CDH13: variants seen among roughly 807,000 people sequenced by gnomAD.
CDH13 encodes cadherin-13.
In CDH13, 24 loss-of-function variants were observed where a neutral mutation model predicts 63.8. The ratio of observed to expected loss-of-function variants is 0.38; its 90% CI spans 0.27 to 0.53. The LOEUF is 0.53. CDH13 is among the 20% of genes least tolerant of loss of function. The probability of loss-of-function intolerance (pLI) is 0.85; values close to 1 mark genes in which losing one functional copy is unlikely to be tolerated. For missense variants in CDH13, 1,049 were observed against 903.1 expected (o/e 1.16, Z -2.07); for synonymous variants, 503 against 355.3 (o/e 1.42, Z -4.67).
intron 1 of CDH13, among the ~76,000 whole-genome samples, chr16:82,767,896 C>T (rs1351578791): frequency 6.6e-6 from 1 of 152,164 alleles, no homozygotes; most frequent in Non-Finnish European, 1.5e-5. Context: ...GGCTAGACCA[C>T]AGGTACTCTT....
chr16:83,722,991 T>G (rs972032926), intron 10 of CDH13, among the ~76,000 whole-genome samples: 19 of 152,192 alleles, frequency 1.2e-4, no homozygotes, highest in Non-Finnish European at 2.6e-4. Flanking sequence ...GCTGTGACCT[T>G]CTAGTTTCAC....
chr16:83,684,348 T>A (rs1258402082), intron 10 of CDH13, among the ~76,000 whole-genome samples: 2 of 151,776 alleles, frequency 1.3e-5, no homozygotes, highest in African/African-American at 4.8e-5. Flanking sequence ...TGCACTCCAG[T>A]GTGAGCAATA....
At chr16:82,673,042 G>T (rs562242299) in intron 1 of CDH13, among the ~76,000 whole-genome samples, 1 of 124,902 alleles carries the variant, frequency 8.0e-6, no homozygotes, top group African/African-American at 3.3e-5. Context: ...GGGTCTTCCT[G>T]TGTTGCCCAG....
At chr16:82,965,397 G>C (rs1597314163) in intron 2 of CDH13, among the ~76,000 whole-genome samples, 1 of 152,240 alleles carries the variant, frequency 6.6e-6, no homozygotes, top group East Asian at 1.9e-4. Flanking sequence ...TTTCTATGGA[G>C]TATTTTTCTT....
intron 12 of CDH13, 103 bp downstream of exon 12, chr16:83,780,304 G>C (rs1463230046): frequency 2.7e-6 from 2 of 746,336 alleles, no homozygotes; most frequent in African/African-American, 3.5e-5. Context: ...ATTCTCATTT[G>C]GTTCATTTTA....
At chr16:82,745,045 T>C (rs772074036) in intron 1 of CDH13, among the ~76,000 whole-genome samples, 21 of 152,180 alleles carry the variant, frequency 1.4e-4, no homozygotes, top group Admixed American at 4.6e-4. Context: ...AAATGCAATC[T>C]AGTGACAAAT....
intron 1 of CDH13, among the ~76,000 whole-genome samples, chr16:82,680,038 T>C (rs1914374166): frequency 6.6e-6 from 1 of 152,128 alleles, no homozygotes; most frequent in African/African-American, 2.4e-5. Flanking sequence ...CCAGGATCTA[T>C]GGGGAATTTG....
Position 83,597,055 on chromosome 16 carries a change from T to C in CDH13, c.961-5399T>C, listed in dbSNP as rs192463283. On this transcript the variant is annotated intron_variant, in intron 7 of 13. Transcript: ENST00000567109. ...CTGGGCAATACAGGGAGACCCTGTC[T>C]CTACAAAAAATACAAAAATTAGCCA... Among the ~76,000 whole-genome samples the C allele has an allele frequency of 2.9e-3, 444 of 152,252 alleles. 4 individuals are homozygous for C. The highest frequency in any genetic ancestry group is 8.3e-3 in the African/African-American group (346 of 41,546).
At chr16:83,750,354 G>C (rs1912977322) in intron 11 of CDH13, among the ~76,000 whole-genome samples, 2 of 152,200 alleles carry the variant, frequency 1.3e-5, no homozygotes, top group South Asian at 4.1e-4. Context: ...AATCAAGCAA[G>C]GTTAAGGTGA....
intron 6 of CDH13, among the ~76,000 whole-genome samples, chr16:83,406,647 G>C (rs1306107607): frequency 6.6e-6 from 1 of 152,076 alleles, no homozygotes; most frequent in Non-Finnish European, 1.5e-5. Flanking sequence ...TGTATTTTTA[G>C]TAGAGATGGG....
chr16:83,454,151 G>T (rs1237029803), intron 6 of CDH13, among the ~76,000 whole-genome samples: 3 of 152,228 alleles, frequency 2.0e-5, no homozygotes, highest in Non-Finnish European at 4.4e-5. Context: ...CTGCAAGTAT[G>T]CAAAACAGGT....
At chr16:83,350,705 C>T (rs1049323702) in intron 6 of CDH13, among the ~76,000 whole-genome samples, 2 of 152,108 alleles carry the variant, frequency 1.3e-5, no homozygotes, top group East Asian at 3.9e-4. Context: ...TCCAATAAAT[C>T]AGAAAGAAAA....
Position 83,119,851 on chromosome 16 carries a change from C to G in CDH13, c.367-5534C>G, listed in dbSNP as rs546550039. On this transcript the variant is annotated intron_variant, in intron 3 of 13. Coordinates refer to ENST00000567109, the MANE Select transcript of CDH13 (RefSeq NM_001257.5). ...GCACAGACTCGATCAAAGGTGGGTA[C>G]AGCCACAAATATAGAAGTAGACACT... Among the ~76,000 whole-genome samples the G allele has an allele frequency of 3.3e-5, 5 of 152,252 alleles. No homozygotes were observed. The East Asian group carries it at 9.7e-4, about 29-fold the overall frequency.
intron 12 of CDH13, among the ~76,000 whole-genome samples, chr16:83,782,339 C>T (rs1333506710): frequency 4.6e-5 from 7 of 152,056 alleles, no homozygotes; most frequent in Non-Finnish European, 8.8e-5. Context: ...CTATTGCCAC[C>T]GCACATGACA....
At chr16:82,862,788 A>C (rs1223334418) in intron 2 of CDH13, among the ~76,000 whole-genome samples, 1 of 152,214 alleles carries the variant, frequency 6.6e-6, no homozygotes, top group Admixed American at 6.5e-5. Flanking sequence ...TTTCTCACTC[A>C]GATCATGCAG....
At chr16:82,990,504 C>T (rs4783305) in intron 2 of CDH13, among the ~76,000 whole-genome samples, 45,013 of 151,242 alleles carry the variant, frequency 0.3, 6,805 homozygotes, top group Middle Eastern at 0.35. Flanking sequence ...AAGCCAAAAG[C>T]TTCCATCTCT....
chr16:83,196,077 GA>G (rs1412818557), intron 4 of CDH13, among the ~76,000 whole-genome samples: 1 of 152,112 alleles, frequency 6.6e-6, no homozygotes, highest in African/African-American at 2.4e-5. Flanking sequence ...CCAACATGGT[GA>G]AACCGCGTCT....
chr16:83,208,768 T>C (rs1258567376), intron 4 of CDH13, among the ~76,000 whole-genome samples: 3 of 152,184 alleles, frequency 2.0e-5, no homozygotes, highest in South Asian at 4.1e-4. Context: ...TGTATAGTTA[T>C]CATCCTCTGA....
At chr16:83,156,776 C>T (rs1017477576) in intron 4 of CDH13, among the ~76,000 whole-genome samples, 10 of 152,090 alleles carry the variant, frequency 6.6e-5, no homozygotes, top group African/African-American at 9.7e-5. Context: ...TCCTTTATTC[C>T]GTATTCATTC....
Sources: allele counts gnomAD v4.1 joint callset (sites outside exome capture counted in the v4.1 genomes callset), GRCh38; gene constraint gnomAD v4.1.1; transcripts MANE v1.5; gene names NCBI Gene and HGNC (gene_info 2026-07-23, HGNC 2026-07-21).